FER: variants seen among roughly 807,000 people sequenced by gnomAD.
The protein encoded by FER is FER tyrosine kinase.
Under a neutral mutation model 111.0 loss-of-function variants are expected in FER, and 63 were observed. The observed-to-expected ratio is 0.57, with a 90% CI of 0.46 to 0.70. FER has a LOEUF of 0.70. FER is among the 30% of genes least tolerant of loss of function. The pLI, the probability that FER is intolerant of heterozygous loss-of-function variation, is 0.00. For missense variants in FER, 914 were observed against 954.0 expected, an observed-to-expected ratio of 0.96 and a Z score of 0.55; for synonymous variants, 327 against 313.9, an observed-to-expected ratio of 1.04 and a Z score of -0.44.
chr5:108,908,358 A>C (rs62360828), intron 10 of FER, among the ~76,000 whole-genome samples: 20,053 of 152,204 alleles, frequency 0.13, 1,432 homozygotes, highest in Middle Eastern at 0.19. Flanking sequence ...GAAATTGCTA[A>C]AGAAATTTCT....
At position 109,060,787 on chromosome 5, in the gene FER, T is replaced by C. The variant is rs77065200; in HGVS notation, c.1924+13589T>C. Among the ~76,000 whole-genome samples, 276 of 149,782 alleles carry C rather than the reference T, an allele frequency of 1.8e-3. 1 individual carries two copies. Among genetic ancestry groups the C allele is most frequent in the African/African-American group, 4.9e-3 (201 of 41,022 alleles). On this transcript the variant is annotated intron_variant, in intron 16 of 19. Coordinates refer to ENST00000281092, the MANE Select transcript of FER (RefSeq NM_005246.4). ...GTGTGTGTGTGTATATATATATATA[T>C]ACACACCAAACACACATATGTAAAC...
At chr5:108,955,015 A>C (rs755575341) in intron 12 of FER, 83 bp downstream of exon 12, 306 of 1,200,536 alleles carry the variant, frequency 2.5e-4, no homozygotes, top group Non-Finnish European at 3.4e-4. Context: ...ATGGTTTGTG[A>C]TAAATGCCTG....
intron 17 of FER, among the ~76,000 whole-genome samples, chr5:109,146,264 A>ATATATATATATAT (rs1754166048): frequency 2.1e-5 from 2 of 95,248 alleles, no homozygotes; most frequent in African/African-American, 4.2e-5. Flanking sequence ...ATATATATAT[A>ATATATATATATAT]TATATATATA....
chr5:109,170,258 C>T (rs993013687), intron 17 of FER, among the ~76,000 whole-genome samples: 2 of 152,020 alleles, frequency 1.3e-5, no homozygotes, highest in African/African-American at 2.4e-5. Flanking sequence ...TATTCCATAG[C>T]CTAAGTGCCA....
chr5:108,932,417 A>G (rs757386002), intron 10 of FER, among the ~76,000 whole-genome samples: 4 of 152,154 alleles, frequency 2.6e-5, no homozygotes, highest in Non-Finnish European at 4.4e-5. Context: ...TATCCAGCCT[A>G]TCACTGATGG....
At chr5:109,131,294 C>A (rs1271299102) in intron 17 of FER, among the ~76,000 whole-genome samples, 1 of 152,080 alleles carries the variant, frequency 6.6e-6, no homozygotes, top group Non-Finnish European at 1.5e-5. Context: ...TTTTAAAGAT[C>A]TCTAAGGATT....
intron 16 of FER, among the ~76,000 whole-genome samples, chr5:109,095,502 T>A (rs1209813816): frequency 6.6e-6 from 1 of 152,076 alleles, no homozygotes; most frequent in Non-Finnish European, 1.5e-5. Context: ...CCATCTCTCA[T>A]AAATATACCC....
chr5:109,184,778 C>T (rs1164034926), intron 18 of FER, among the ~76,000 whole-genome samples: 1 of 152,194 alleles, frequency 6.6e-6, no homozygotes, highest in Non-Finnish European at 1.5e-5. Flanking sequence ...AGCTGATAAT[C>T]AGTTAGTACA....
intron 13 of FER, among the ~76,000 whole-genome samples, chr5:109,008,392 T>G (rs1352754717): frequency 6.6e-6 from 1 of 152,218 alleles, no homozygotes; most frequent in African/African-American, 2.4e-5. Context: ...GTCTGTAGTT[T>G]CTTCAGTATT....
At chr5:109,152,367 G>T (rs1754943940) in intron 17 of FER, among the ~76,000 whole-genome samples, 1 of 151,912 alleles carries the variant, frequency 6.6e-6, no homozygotes, top group South Asian at 2.1e-4. Flanking sequence ...GGAAATAAAT[G>T]TAGACTGCAA....
chr5:108,781,932 C>A (rs1348554383), intron 2 of FER, among the ~76,000 whole-genome samples: 1 of 145,782 alleles, frequency 6.9e-6, no homozygotes, highest in Non-Finnish European at 1.5e-5. Flanking sequence ...TTTTTTTTTT[C>A]CCCCACCCTG....
At chr5:108,991,741 A>T (rs1763202929) in intron 13 of FER, among the ~76,000 whole-genome samples, 2 of 152,030 alleles carry the variant, frequency 1.3e-5, no homozygotes, top group South Asian at 2.1e-4. Flanking sequence ...CTCAGGAAAA[A>T]TTTTCTGTTA....
At chr5:109,006,375 G>A (rs1018485207) in intron 13 of FER, among the ~76,000 whole-genome samples, 4 of 152,160 alleles carry the variant, frequency 2.6e-5, no homozygotes, top group Non-Finnish European at 5.9e-5. Context: ...AGAGCTGGTC[G>A]TTTTATAAAC....
At chr5:109,107,903 A>C (rs1749138992) in intron 17 of FER, among the ~76,000 whole-genome samples, 1 of 152,170 alleles carries the variant, frequency 6.6e-6, no homozygotes, top group African/African-American at 2.4e-5. Context: ...GTAATTAATT[A>C]GTCTTTGAGC....
At chr5:109,115,733 ATTGTT>A (rs1301746527) in intron 17 of FER, among the ~76,000 whole-genome samples, 1 of 151,944 alleles carries the variant, frequency 6.6e-6, no homozygotes, top group Non-Finnish European at 1.5e-5. Flanking sequence ...TCAGCTTCCA[ATTGTT>A]TTGTGGTTTT....
intron 13 of FER, among the ~76,000 whole-genome samples, chr5:109,014,439 A>G (rs1315007322): frequency 1.3e-5 from 2 of 152,074 alleles, no homozygotes; most frequent in Admixed American, 6.5e-5. Flanking sequence ...CCATTGATCT[A>G]TATCTCTGTT....
At chr5:108,992,370 C>T (rs544262899) in intron 13 of FER, among the ~76,000 whole-genome samples, 19 of 152,300 alleles carry the variant, frequency 1.2e-4, no homozygotes, top group African/African-American at 3.1e-4. Context: ...CATCATGGCC[C>T]GTTCTCAATG....
chr5:108,834,711 A>G (rs1760429832), intron 4 of FER, among the ~76,000 whole-genome samples: 1 of 151,972 alleles, frequency 6.6e-6, no homozygotes, highest in Non-Finnish European at 1.5e-5. Flanking sequence ...AAAAAAAAAA[A>G]AAAAAAAGTT....
intron 16 of FER, among the ~76,000 whole-genome samples, chr5:109,066,866 C>G (rs977956831): frequency 1.9e-4 from 29 of 152,174 alleles, no homozygotes; most frequent in African/African-American, 7.0e-4. Flanking sequence ...TAACAATAAT[C>G]ACAAATTTAT....
Sources: gnomAD v4.1 joint callset for allele counts (sites outside exome capture counted in the v4.1 genomes callset) on GRCh38, gnomAD v4.1.1 for gene constraint, MANE v1.5 for transcripts, NCBI Gene and HGNC (gene_info 2026-07-23, HGNC 2026-07-21) for gene names.